Variants in PDE1A observed in about 807,000 individuals in gnomAD.
The protein encoded by PDE1A is dual specificity calcium/calmodulin-dependent 3',5'-cyclic nucleotide phosphodiesterase 1A.
Under a neutral mutation model 61.7 loss-of-function variants are expected in PDE1A, and 35 were observed. The observed-to-expected ratio is 0.57, with a 90% CI of 0.43 to 0.75. PDE1A has a LOEUF of 0.75. PDE1A is among the 30% of genes least tolerant of loss of function. The pLI is 0.00. For synonymous variants in PDE1A, 232 were observed against 213.2 expected (o/e 1.09, Z -0.77); for missense variants, 597 against 630.6 (o/e 0.95, Z 0.57).
At chr2:182,337,272 G>T (rs1697895293) in intron 1 of PDE1A, among the ~76,000 whole-genome samples, 1 of 151,992 alleles carries the variant, frequency 6.6e-6, no homozygotes, top group African/African-American at 2.4e-5. Context: ...AAATAAAGCA[G>T]AACATTAAGT....
At chr2:182,448,058 T>C (rs372099537) in intron 2 of PDE1A, among the ~76,000 whole-genome samples, 3 of 151,860 alleles carry the variant, frequency 2.0e-5, no homozygotes, top group Non-Finnish European at 4.4e-5. Context: ...ATCCCAGTCA[T>C]GCCTTATGAT....
At chr2:182,520,034 G>A (rs989899681) in intron 2 of PDE1A, among the ~76,000 whole-genome samples, 1 of 151,876 alleles carries the variant, frequency 6.6e-6, no homozygotes, top group African/African-American at 2.4e-5. Flanking sequence ...TGAGTAGCAT[G>A]ATTTTAATTG....
the PDE1A span, among the ~76,000 whole-genome samples, chr2:182,614,856 C>G: frequency 6.6e-6 from 1 of 152,178 alleles, no homozygotes; most frequent in East Asian, 1.9e-4. Flanking sequence ...TGTGCCCAGC[C>G]TATCTATTGT....
At chr2:182,660,807 C>G in the PDE1A span, among the ~76,000 whole-genome samples, 1 of 152,202 alleles carries the variant, frequency 6.6e-6, no homozygotes, top group Non-Finnish European at 1.5e-5. Flanking sequence ...AGATAAGAAC[C>G]ACAGCGAAGC....
chr2:182,634,472 C>G, the PDE1A span, among the ~76,000 whole-genome samples: 1 of 152,236 alleles, frequency 6.6e-6, no homozygotes. Flanking sequence ...GACTAAAGAG[C>G]ACACAGACAG....
At chr2:182,422,802 G>C (rs16823222) in intron 1 of PDE1A, among the ~76,000 whole-genome samples, 5,884 of 152,276 alleles carry the variant, frequency 0.039, 137 homozygotes, top group Middle Eastern at 0.071. Flanking sequence ...ATGTATCTAT[G>C]TGAGGTCTCA....
At chr2:182,373,135 T>G (rs1225527078) in intron 1 of PDE1A, among the ~76,000 whole-genome samples, 1 of 152,210 alleles carries the variant, frequency 6.6e-6, no homozygotes, top group African/African-American at 2.4e-5. Flanking sequence ...TCACAGGGGC[T>G]TCAATGATTT....
At chr2:182,205,886 T>A in intron 8 of PDE1A, 54 bp downstream of exon 8, 1 of 1,510,824 alleles carries the variant, frequency 6.6e-7, no homozygotes, top group Non-Finnish European at 9.0e-7. Flanking sequence ...TTAAATCGCA[T>A]AATTTATTCC....
chr2:182,427,228 T>C (rs1703678773), upstream of PDE1A, among the ~76,000 whole-genome samples: 1 of 152,158 alleles, frequency 6.6e-6, no homozygotes, highest in Non-Finnish European at 1.5e-5. Context: ...CTGCTTCAGA[T>C]TATAATTATT....
At chr2:182,484,517 T>C (rs1026676472) in intron 2 of PDE1A, among the ~76,000 whole-genome samples, 1 of 151,896 alleles carries the variant, frequency 6.6e-6, no homozygotes, top group African/African-American at 2.4e-5. Flanking sequence ...ACAAGTGGGA[T>C]CTAATTAAAT....
chr2:182,404,819 T>C (rs1000733537), intron 1 of PDE1A, among the ~76,000 whole-genome samples: 2 of 152,188 alleles, frequency 1.3e-5, no homozygotes, highest in Non-Finnish European at 2.9e-5. Context: ...TAACAATGCA[T>C]TCTTTTGAAA....
At chr2:182,402,996 TGG>T (rs1702091370) in intron 1 of PDE1A, among the ~76,000 whole-genome samples, 2 of 152,142 alleles carry the variant, frequency 1.3e-5, no homozygotes, top group African/African-American at 4.8e-5. Context: ...CCAGTTAGAA[TGG>T]CGACCATTAA....
At chr2:182,512,976 T>C (rs1689901517) in intron 2 of PDE1A, among the ~76,000 whole-genome samples, 1 of 152,106 alleles carries the variant, frequency 6.6e-6, no homozygotes, top group Non-Finnish European at 1.5e-5. Context: ...CATAACTCAA[T>C]GGCATCCCTG....
chr2:182,227,126 A>G (rs1286610576), intron 6 of PDE1A, among the ~76,000 whole-genome samples: 5 of 152,032 alleles, frequency 3.3e-5, no homozygotes, highest in Admixed American at 6.6e-5. Flanking sequence ...TATTTTTTCA[A>G]CGGATCACAA....
intron 1 of PDE1A, among the ~76,000 whole-genome samples, chr2:182,383,335 C>T (rs1338780773): frequency 1.3e-5 from 2 of 152,080 alleles, no homozygotes; most frequent in South Asian, 2.1e-4. Flanking sequence ...TTATATATTT[C>T]CATCATCTCA....
At chr2:182,538,112 C>G in the PDE1A span, among the ~76,000 whole-genome samples, 2 of 152,160 alleles carry the variant, frequency 1.3e-5, no homozygotes, top group African/African-American at 4.8e-5. Flanking sequence ...TTTGAGACTA[C>G]TTTTCCCTCT....
intron 13 of PDE1A, among the ~76,000 whole-genome samples, chr2:182,173,655 G>A (rs556940337): frequency 4.4e-4 from 67 of 151,248 alleles, no homozygotes; most frequent in African/African-American, 1.6e-3. Context: ...ATTAGAGAGA[G>A]AATGATAGCA....
At chr2:182,462,331 G>GTATATA (rs142499312) in intron 2 of PDE1A, among the ~76,000 whole-genome samples, 1 of 149,820 alleles carries the variant, frequency 6.7e-6, no homozygotes, top group African/African-American at 2.5e-5. Flanking sequence ...ATATAAAAAA[G>GTATATA]TATATATATA....
intron 1 of PDE1A, among the ~76,000 whole-genome samples, chr2:182,416,437 T>C (rs1702922736): frequency 6.6e-6 from 1 of 152,202 alleles, no homozygotes; most frequent in Non-Finnish European, 1.5e-5. Context: ...TGTGACATCG[T>C]TCATCCTCTC....
Sources: allele counts gnomAD v4.1 joint callset (sites outside exome capture counted in the v4.1 genomes callset), GRCh38; gene constraint gnomAD v4.1.1; transcripts MANE v1.5; gene names NCBI Gene and HGNC (gene_info 2026-07-23, HGNC 2026-07-21).